The following CAMK2B variants were observed in gnomAD, a reference collection of about 807,000 sequenced individuals.
CAMK2B encodes calcium/calmodulin dependent protein kinase II beta.
CAMK2B carries 27 observed loss-of-function variants against 93.7 expected under a neutral mutation model. The observed-to-expected ratio is 0.29, with a 90% CI of 0.21 to 0.40. The LOEUF is 0.40. Ranked by LOEUF, CAMK2B falls within the 10% of genes least tolerant of loss-of-function variation. The pLI is 1.00. For missense variants in CAMK2B, 568 were observed against 895.8 expected, an observed-to-expected ratio of 0.63 and a Z score of 4.67; for synonymous variants, 374 against 358.8, an observed-to-expected ratio of 1.04 and a Z score of -0.48.
rs914581052 is a variant in CAMK2B at position 44,301,788 on chromosome 7, G to T, written c.66-17563C>A. Among the ~76,000 whole-genome samples the T allele has an allele frequency of 3.4e-4, 52 of 150,914 alleles. 1 individual carries two copies. Among genetic ancestry groups the T allele is most frequent in the African/African-American group, 1.2e-3 (51 of 40,870 alleles). On this transcript the variant is annotated intron_variant, in intron 1 of 23. Transcript: ENST00000395749. ...AAGACTCCATCTCAGAAAAAAAAAA[G>T]AAAAGAAGAAAATAGAAATCTAAAA...
At chr7:44,255,838 C>T (rs2096829078) in intron 4 of CAMK2B, among the ~76,000 whole-genome samples, 1 of 152,170 alleles carries the variant, frequency 6.6e-6, no homozygotes. Context: ...GTCGGCTCAC[C>T]CCTGCTCCAG....
chr7:44,299,342 C>T (rs1789244730), intron 1 of CAMK2B, among the ~76,000 whole-genome samples: 1 of 152,098 alleles, frequency 6.6e-6, no homozygotes, highest in African/African-American at 2.4e-5. Flanking sequence ...TAGACAAATT[C>T]ATAGAGAGAA....
chr7:44,292,967 C>T (rs1787267446), intron 1 of CAMK2B, among the ~76,000 whole-genome samples: 1 of 152,218 alleles, frequency 6.6e-6, no homozygotes, highest in African/African-American at 2.4e-5. Context: ...GCAGCCACTG[C>T]CCTGGGGTCT....
intron 18 of CAMK2B, 135 bp downstream of exon 18, chr7:44,229,253 C>T (rs2096554096): frequency 3.1e-6 from 2 of 648,926 alleles, no homozygotes; most frequent in Non-Finnish European, 5.3e-6. Context: ...TGGAAAGCCC[C>T]AGTGAGGGAT....
At chr7:44,289,842 G>T (rs1363753693) in intron 1 of CAMK2B, among the ~76,000 whole-genome samples, 1 of 152,230 alleles carries the variant, frequency 6.6e-6, no homozygotes, top group African/African-American at 2.4e-5. Flanking sequence ...CGGCCTCTGA[G>T]TCGGCCCACT....
chr7:44,220,086 G>A lies in CAMK2B; in HGVS notation c.1977C>T (p.Gly659=), dbSNP rs77158048. 2.7e-3 allele frequency: 4,301 copies of A among 1,601,746 alleles called. 110 individuals are homozygous for A. The African/African-American group carries it at 0.046, about 17-fold the overall frequency. The part of the protein sequence containing the change: ...KWQNVHFHCS[G]APVAPLQ The stretch of plus-strand genomic sequence containing the variant: ...TTCACTGCAGCGGGGCCACAGGCGC[G>A]CCCGAGCAGTGGAAGTGCACGTTCT... The change falls in exon 23 of 24, where the codon GGC becomes GGT. Residue 659 remains glycine, a synonymous_variant. Coordinates refer to ENST00000395749, the MANE Select transcript of CAMK2B (RefSeq NM_001220.5).
At position 44,226,579 on chromosome 7, in the gene CAMK2B, G is replaced by A. The variant is rs779899109; in HGVS notation, c.1534C>T (p.Pro512Ser). ...CAGGGCGGGGGCCCCACTGGCGAGGGGCCCTCGGCTTCTGGGGTCCCTGAG... is the reference window on the plus strand; with the variant it reads ...CAGGGCGGGGGCCCCACTGGCGAGGAGCCCTCGGCTTCTGGGGTCCCTGAG... ...RGSGTPEAEG[P>S]SPVGPPPCPS... is the part of the protein sequence containing the mutation. Residue 512 changes from proline (P) to serine (S), a missense_variant, in exon 20 of 24, where the codon CCC becomes TCC. By Grantham distance (74) the Pro-to-Ser change is moderately conservative. Around this residue, in one of 4 missense-constraint regions of CAMK2B, gnomAD observed 308 missense variants for 292.1 expected, o/e 1.05. Coordinates refer to ENST00000395749, the MANE Select transcript of CAMK2B (RefSeq NM_001220.5). 15 of 1,490,148 alleles carry A rather than the reference G, an allele frequency of 1.0e-5. No homozygotes were observed. Among genetic ancestry groups the A allele is most frequent in the Admixed American group, 7.9e-5 (3 of 37,854 alleles). 92.3% of individuals were successfully genotyped at this position (1,490,148 alleles called of 1,614,324 possible).
chr7:44,228,672 T>C (rs1414421423), intron 19 of CAMK2B, 124 bp downstream of exon 19: 4 of 929,902 alleles, frequency 4.3e-6, no homozygotes, highest in Non-Finnish European at 5.9e-6. Flanking sequence ...AGGGCAGGAC[T>C]CCAGGCTGCG....
Position 44,228,854 on chromosome 7 carries a change from G to A in CAMK2B, c.1410C>T (p.Leu470=). 6.7e-7 allele frequency: 1 copy of A among 1,502,120 alleles called. No homozygotes were observed. The highest frequency in any genetic ancestry group is 9.0e-7 in the Non-Finnish European group (1 of 1,115,226). 93.0% of individuals were successfully genotyped at this position (1,502,120 alleles called of 1,614,324 possible). Residue 470 remains leucine (L), a synonymous_variant, in exon 19 of 24, where the codon CTC becomes CTT. Transcript: ENST00000395749. ...GSGTPEAEGP[L]SAGPPPCLSP... is the part of the protein sequence containing the mutation. ...ACAGGCAGGGCGGGGGCCCCGCTGA[G>A]AGGGGGCCCTCGGCTTCTGGGGTTC... is the stretch of plus-strand genomic sequence containing the variant.
At chr7:44,253,048 A>G (rs865920235) in intron 5 of CAMK2B, among the ~76,000 whole-genome samples, 1 of 152,150 alleles carries the variant, frequency 6.6e-6, no homozygotes, top group Non-Finnish European at 1.5e-5. Context: ...GTGGCACCAG[A>G]GCTGCTCACA....
intron 1 of CAMK2B, among the ~76,000 whole-genome samples, chr7:44,300,577 T>C (rs1264369626): frequency 2.0e-5 from 3 of 152,102 alleles, no homozygotes. Context: ...TTTTCTAAGA[T>C]GACATGCAGT....
rs1463008631 is a variant in CAMK2B, at chr7:44,224,072, A to C, written c.1597+2444T>G. The stretch of plus-strand genomic sequence containing the variant: ...TGCTTTTAAACAAATTGTAATTAAA[A>C]TGGGAGTTGATGGGAAGAGAAAGCG... On this transcript the variant is annotated intron_variant, in intron 20 of 23. Transcript: ENST00000395749. The surrounding 1 kb of genome is among the most constrained non-coding windows in gnomAD (Gnocchi z 4.4). Among the ~76,000 whole-genome samples the C allele has an allele frequency of 6.6e-6, 1 of 152,130 alleles. No homozygotes were observed. The highest frequency in any genetic ancestry group is 1.5e-5 in the Non-Finnish European group (1 of 68,016).
intron 1 of CAMK2B, among the ~76,000 whole-genome samples, chr7:44,320,992 G>A (rs1325910741): frequency 6.6e-6 from 1 of 152,220 alleles, no homozygotes; most frequent in Non-Finnish European, 1.5e-5. Flanking sequence ...GCCAGGGCAG[G>A]GGGCATCTGG....
intron 11 of CAMK2B, among the ~76,000 whole-genome samples, chr7:44,241,271 C>A (rs773098311): frequency 6.6e-6 from 1 of 152,188 alleles, no homozygotes; most frequent in African/African-American, 2.4e-5. Flanking sequence ...CTGGGACCCA[C>A]CTCCCTCCCA....
At chr7:44,222,939 G>A (rs919985920) in intron 20 of CAMK2B, among the ~76,000 whole-genome samples, 2 of 152,218 alleles carry the variant, frequency 1.3e-5, no homozygotes, top group Admixed American at 6.5e-5. Context: ...TGTCTGCTCT[G>A]GGGCCTCATG....
In CAMK2B at chr7:44,224,488, C is replaced by T. The variant is rs1211017220; in HGVS notation, c.1597+2028G>A. Among the ~76,000 whole-genome samples, 2 of 152,196 alleles carry T rather than the reference C, an allele frequency of 1.3e-5. No individual in the cohort carries two copies. The highest frequency in any genetic ancestry group is 2.4e-5 in the African/African-American group (1 of 41,440). ...GGGCCTGGGCTTGGAGGGGTCTGCACGAGCCAAGAGCCTCTGCAAGTCAGG... is the reference window on the plus strand; with the variant it reads ...GGGCCTGGGCTTGGAGGGGTCTGCATGAGCCAAGAGCCTCTGCAAGTCAGG... On this transcript the variant is annotated intron_variant, in intron 20 of 23. Coordinates refer to ENST00000395749, the MANE Select transcript of CAMK2B (RefSeq NM_001220.5). The surrounding 1 kb of genome is among the most constrained non-coding windows in gnomAD (Gnocchi z 4.4).
At chr7:44,280,572 AT>A (rs2097094432) in intron 2 of CAMK2B, among the ~76,000 whole-genome samples, 1 of 152,180 alleles carries the variant, frequency 6.6e-6, no homozygotes, top group Non-Finnish European at 1.5e-5. Context: ...AAGCTAATAA[AT>A]TTGCACAGGC....
chr7:44,265,176 C>T (rs753089656), intron 2 of CAMK2B, among the ~76,000 whole-genome samples: 1 of 152,198 alleles, frequency 6.6e-6, no homozygotes, highest in Non-Finnish European at 1.5e-5. Context: ...CTCCCTGCCC[C>T]GCCCCTGCTT....
rs146441079 is a variant in CAMK2B at position 44,236,485 on chromosome 7, A to G, written c.1022-1809T>C. Among the ~76,000 whole-genome samples, 10 of 152,350 alleles carry G rather than the reference A, an allele frequency of 6.6e-5. No homozygotes were observed. In the East Asian group the frequency reaches 1.7e-3, roughly 26 times the overall value. Reference sequence around the variant, plus strand: ...CCAGGCCTAAGGCCCCTCCTGGTGAAGCTGAGCACAGCGCCACCTCCCTGA... The same window carrying G: ...CCAGGCCTAAGGCCCCTCCTGGTGAGGCTGAGCACAGCGCCACCTCCCTGA... On this transcript the variant is annotated intron_variant, in intron 13 of 23. Coordinates refer to ENST00000395749, the MANE Select transcript of CAMK2B (RefSeq NM_001220.5).
Sources: allele counts gnomAD v4.1 joint callset (sites outside exome capture counted in the v4.1 genomes callset), GRCh38; gene constraint gnomAD v4.1.1; regional missense constraint gnomAD v4.1.1; non-coding constraint Gnocchi (gnomAD v3.1); transcripts MANE v1.5; gene names NCBI Gene and HGNC (gene_info 2026-07-23, HGNC 2026-07-21).